ADGRA3: variants seen among roughly 807,000 people sequenced by gnomAD.
ADGRA3 encodes adhesion G protein-coupled receptor A3, also known as G-protein coupled receptor 125.
ADGRA3 carries 56 observed loss-of-function variants against 119.8 expected under a neutral mutation model. The ratio of observed to expected loss-of-function variants is 0.47; its 90% CI spans 0.38 to 0.58. ADGRA3 has a LOEUF of 0.58. Among genes scored for constraint, ADGRA3 ranks in the 20% least tolerant of loss-of-function variants. The probability of loss-of-function intolerance (pLI) is 0.00; values close to 1 mark genes in which losing one functional copy is unlikely to be tolerated. For missense variants in ADGRA3, 1,516 were observed against 1,649.0 expected, an observed-to-expected ratio of 0.92 and a Z score of 1.40; for synonymous variants, 607 against 623.8, an observed-to-expected ratio of 0.97 and a Z score of 0.40.
intron 4 of ADGRA3, among the ~76,000 whole-genome samples, chr4:22,453,744 T>C (rs529797113): frequency 1.3e-5 from 2 of 152,348 alleles, no homozygotes; most frequent in African/African-American, 4.8e-5. Context: ...TCCTATTGTT[T>C]AGTCAGTTCT....
In ADGRA3 at chr4:22,394,111, CT is replaced by C. The variant is rs564413037; in HGVS notation, c.2482-1422del. The C allele has an allele frequency of 2.0e-5, 3 of 151,952 alleles. No individual in the cohort carries two copies. The East Asian group carries it at 5.8e-4, about 29-fold the overall frequency. The allele number at this position is 151,952 out of a possible 1,614,324, so 9.4% of individuals were successfully genotyped here. A position where few individuals can be genotyped will look rare whatever the true frequency, so the allele number is the denominator to read the frequency against. On this transcript the variant is annotated intron_variant, in intron 16 of 18. Coordinates refer to ENST00000334304, the MANE Select transcript of ADGRA3 (RefSeq NM_145290.4). ...GTAACTTGCTTTTTTTTAATCACTGCTTTTTTATATAATTATGAAATTCCAA... is the reference window on the plus strand; with the variant it reads ...GTAACTTGCTTTTTTTTAATCACTGCTTTTTATATAATTATGAAATTCCAA...
At chr4:22,508,720 T>C (rs1719330755) in intron 1 of ADGRA3, among the ~76,000 whole-genome samples, 2 of 152,132 alleles carry the variant, frequency 1.3e-5, no homozygotes, top group Non-Finnish European at 2.9e-5. Context: ...GTCCCATCAC[T>C]AGGCTGAATC....
At chr4:22,514,890 A>G (rs977326233) in intron 1 of ADGRA3, among the ~76,000 whole-genome samples, 3 of 152,166 alleles carry the variant, frequency 2.0e-5, no homozygotes, top group Admixed American at 1.3e-4. Context: ...TTCAGTTCCA[A>G]TGTTCCTGGC....
chr4:22,508,980 G>A (rs561886955), intron 1 of ADGRA3, among the ~76,000 whole-genome samples: 1 of 152,172 alleles, frequency 6.6e-6, no homozygotes, highest in East Asian at 1.9e-4. Context: ...CTGCCCTCAC[G>A]CCTGCCTTGA....
At chr4:22,472,031 T>C (rs1310411472) in intron 2 of ADGRA3, among the ~76,000 whole-genome samples, 1 of 152,164 alleles carries the variant, frequency 6.6e-6, no homozygotes, top group Non-Finnish European at 1.5e-5. Context: ...ATGGTGTGCA[T>C]GAACAGCCAC....
chr4:22,501,922 T>TC (rs1719060746), intron 1 of ADGRA3, among the ~76,000 whole-genome samples: 1 of 31,150 alleles, frequency 3.2e-5, no homozygotes, highest in South Asian at 1.6e-3. Context: ...CTCGAATGTG[T>TC]AATTTTTTTT....
At chr4:22,427,447 T>C (rs1715986401) in intron 10 of ADGRA3, among the ~76,000 whole-genome samples, 1 of 151,352 alleles carries the variant, frequency 6.6e-6, no homozygotes, top group Non-Finnish European at 1.5e-5. Context: ...GAAATTAACT[T>C]GTGTTAATAA....
At chr4:22,408,528 T>C (rs1372211907) in intron 14 of ADGRA3, among the ~76,000 whole-genome samples, 3 of 152,100 alleles carry the variant, frequency 2.0e-5, no homozygotes, top group African/African-American at 7.2e-5. Flanking sequence ...AAACTGCCAA[T>C]AAAAAGCTAA....
chr4:22,476,729 C>T (rs769754913), intron 1 of ADGRA3, among the ~76,000 whole-genome samples: 4 of 151,514 alleles, frequency 2.6e-5, no homozygotes, highest in East Asian at 3.9e-4. Context: ...TACAGTGGCA[C>T]GATCTCAATT....
At chr4:22,462,085 A>C (rs1469977929) in intron 2 of ADGRA3, among the ~76,000 whole-genome samples, 2 of 152,170 alleles carry the variant, frequency 1.3e-5, no homozygotes, top group African/African-American at 4.8e-5. Context: ...CAACTTCACA[A>C]TTATCACTGA....
At chr4:22,461,673 T>C in intron 3 of ADGRA3, 64 bp downstream of exon 3, 1 of 1,106,282 alleles carries the variant, frequency 9.0e-7, no homozygotes, top group Non-Finnish European at 1.3e-6. Flanking sequence ...CATGTTAAAG[T>C]AAGTTGACAG....
At chr4:22,475,545 G>T (rs985247812) in intron 1 of ADGRA3, among the ~76,000 whole-genome samples, 1 of 152,052 alleles carries the variant, frequency 6.6e-6, no homozygotes, top group African/African-American at 2.4e-5. Context: ...GGCTAAAACG[G>T]TGAAACCCCG....
chr4:22,395,982 A>G (rs1714332933), intron 16 of ADGRA3, among the ~76,000 whole-genome samples: 1 of 152,088 alleles, frequency 6.6e-6, no homozygotes, highest in East Asian at 1.9e-4. Context: ...ACTACATTTA[A>G]TAAATTCAAT....
At chr4:22,439,554 A>G (rs1345168931) in intron 7 of ADGRA3, among the ~76,000 whole-genome samples, 1 of 152,216 alleles carries the variant, frequency 6.6e-6, no homozygotes, top group Non-Finnish European at 1.5e-5. Context: ...CGATCTCCTA[A>G]ATCATTGACG....
chr4:22,458,092 T>C (rs1003852620), intron 3 of ADGRA3, among the ~76,000 whole-genome samples: 1 of 152,218 alleles, frequency 6.6e-6, no homozygotes, highest in African/African-American at 2.4e-5. Context: ...AAAGTTCTCA[T>C]ACTTTCACAT....
intron 4 of ADGRA3, among the ~76,000 whole-genome samples, chr4:22,452,536 AT>A (rs1717086482): frequency 6.6e-6 from 1 of 152,190 alleles, no homozygotes; most frequent in South Asian, 2.1e-4. Flanking sequence ...GATGATGTTC[AT>A]TGTGTTCCAT....
intron 16 of ADGRA3, among the ~76,000 whole-genome samples, chr4:22,399,861 C>A (rs1241526534): frequency 6.6e-6 from 1 of 152,114 alleles, no homozygotes; most frequent in Non-Finnish European, 1.5e-5. Context: ...ATAAAAAATT[C>A]TACAGATTAA....
At chr4:22,395,264 G>A (rs1714302728) in intron 16 of ADGRA3, among the ~76,000 whole-genome samples, 2 of 152,260 alleles carry the variant, frequency 1.3e-5, no homozygotes, top group South Asian at 4.1e-4. Flanking sequence ...TTATCTAACT[G>A]TAAACTCTCA....
intron 10 of ADGRA3, among the ~76,000 whole-genome samples, chr4:22,434,929 A>G: frequency 6.6e-6 from 1 of 152,204 alleles, no homozygotes. Flanking sequence ...TTACTACAAG[A>G]TCTGGGTGAC....
Sources: allele counts gnomAD v4.1 joint callset (sites outside exome capture counted in the v4.1 genomes callset), GRCh38; gene constraint gnomAD v4.1.1; transcripts MANE v1.5; gene names NCBI Gene and HGNC (gene_info 2026-07-23, HGNC 2026-07-21).